MYO16: variants seen among roughly 807,000 people sequenced by gnomAD.
MYO16 encodes the protein unconventional myosin-XVI.
Under a neutral mutation model 205.3 loss-of-function variants are expected in MYO16, and 94 were observed. The observed-to-expected ratio is 0.46, with a 90% CI of 0.39 to 0.54. The LOEUF (loss-of-function observed/expected upper bound fraction) is 0.54, where lower values mean the gene tolerates loss of function less well. Among genes scored for constraint, MYO16 ranks in the 20% least tolerant of loss-of-function variants. The pLI is 0.00. For synonymous variants in MYO16, 988 were observed against 954.0 expected (o/e 1.04, Z -0.66); for missense variants, 2,315 against 2,387.5 (o/e 0.97, Z 0.63).
chr13:108,846,188 C>A (rs1018399850), intron 10 of MYO16, among the ~76,000 whole-genome samples: 1 of 152,174 alleles, frequency 6.6e-6, no homozygotes, highest in African/African-American at 2.4e-5. Context: ...CACCCTCTTA[C>A]TCCTCATACA....
chr13:109,053,097 T>C (rs1305919514), intron 25 of MYO16, among the ~76,000 whole-genome samples: 2 of 152,156 alleles, frequency 1.3e-5, no homozygotes, highest in African/African-American at 4.8e-5. Context: ...TTTAGGTTTC[T>C]TCAGAATCCA....
At chr13:108,804,064 G>A (rs527964823) in intron 6 of MYO16, among the ~76,000 whole-genome samples, 3 of 152,292 alleles carry the variant, frequency 2.0e-5, no homozygotes, top group South Asian at 2.1e-4. Context: ...AGTGCTGGAG[G>A]CTGCAGAGCG....
intron 27 of MYO16, among the ~76,000 whole-genome samples, chr13:109,065,328 C>A (rs961854251): frequency 6.6e-6 from 1 of 152,048 alleles, no homozygotes; most frequent in African/African-American, 2.4e-5. Context: ...TTGAGACAAG[C>A]TACTATCCTT....
At chr13:108,776,677 AT>A (rs1886134256) in intron 4 of MYO16, among the ~76,000 whole-genome samples, 1 of 152,278 alleles carries the variant, frequency 6.6e-6, no homozygotes, top group African/African-American at 2.4e-5. Context: ...CACACTGGCC[AT>A]TTTGCAGGTT....
chr13:108,877,699 T>A (rs1015715318), intron 12 of MYO16, among the ~76,000 whole-genome samples: 1 of 152,248 alleles, frequency 6.6e-6, no homozygotes, highest in Non-Finnish European at 1.5e-5. Flanking sequence ...TATAGTTCCA[T>A]TTTTAAATTG....
chr13:108,916,782 A>T (rs1168179680), intron 16 of MYO16, among the ~76,000 whole-genome samples: 1 of 152,210 alleles, frequency 6.6e-6, no homozygotes, highest in East Asian at 1.9e-4. Flanking sequence ...TTGATGTTAT[A>T]TATAATAAAT....
chr13:108,901,713 G>A (rs1880720038), intron 15 of MYO16, among the ~76,000 whole-genome samples: 1 of 152,108 alleles, frequency 6.6e-6, no homozygotes, highest in Non-Finnish European at 1.5e-5. Flanking sequence ...GTATTTGTTT[G>A]TTTCATAGCT....
At chr13:108,868,231 C>T (rs196165) in intron 12 of MYO16, among the ~76,000 whole-genome samples, 4 of 151,978 alleles carry the variant, frequency 2.6e-5, no homozygotes, top group Admixed American at 6.5e-5. Context: ...CAATTTTCTG[C>T]GTGGTTGTAC....
chr13:109,077,966 T>C (rs941782256), intron 27 of MYO16, among the ~76,000 whole-genome samples: 3 of 152,210 alleles, frequency 2.0e-5, no homozygotes, highest in African/African-American at 7.2e-5. Context: ...TATTTCTTAG[T>C]CTTTTTTCTC....
the MYO16 span, among the ~76,000 whole-genome samples, chr13:108,510,909 T>C: frequency 6.8e-5 from 1 of 14,728 alleles, no homozygotes; most frequent in African/African-American, 3.0e-4. Context: ...GTCTTTGCTA[T>C]TGTGAATAAT....
intron 12 of MYO16, among the ~76,000 whole-genome samples, chr13:108,874,348 G>A (rs989564884): frequency 3.3e-5 from 5 of 151,980 alleles, no homozygotes; most frequent in African/African-American, 4.8e-5. Context: ...AGAGAAATAC[G>A]CCATGCAATT....
chr13:108,612,359 C>T (rs370325076), intron 1 of MYO16, among the ~76,000 whole-genome samples: 3 of 151,974 alleles, frequency 2.0e-5, no homozygotes, highest in African/African-American at 7.2e-5. Context: ...AAAGTTTTAC[C>T]AAAGCTAATC....
At chr13:108,949,232 G>C (rs1429871401) in intron 16 of MYO16, among the ~76,000 whole-genome samples, 1 of 152,072 alleles carries the variant, frequency 6.6e-6, no homozygotes, top group Non-Finnish European at 1.5e-5. Context: ...TTTTAATTTA[G>C]AAACTTAGTC....
chr13:109,194,458 G>A (rs1406315790), intron 34 of MYO16, among the ~76,000 whole-genome samples: 1 of 152,288 alleles, frequency 6.6e-6, no homozygotes, highest in Non-Finnish European at 1.5e-5. Flanking sequence ...TCACACGGTT[G>A]TGAGTGTCGA....
At chr13:109,118,586 A>G (rs954234911) in intron 28 of MYO16, among the ~76,000 whole-genome samples, 1 of 152,172 alleles carries the variant, frequency 6.6e-6, no homozygotes, top group Non-Finnish European at 1.5e-5. Flanking sequence ...TTTGTTTTGG[A>G]ACCCAGGTTT....
At chr13:108,829,090 A>G (rs1381945194) in intron 9 of MYO16, among the ~76,000 whole-genome samples, 3 of 152,306 alleles carry the variant, frequency 2.0e-5, no homozygotes, top group Non-Finnish European at 4.4e-5. Flanking sequence ...GGACCCCCAA[A>G]CTTTTGGCTG....
the MYO16 span, among the ~76,000 whole-genome samples, chr13:108,500,253 T>A: frequency 4.0e-5 from 4 of 99,802 alleles, no homozygotes; most frequent in Non-Finnish European, 7.5e-5. Context: ...TTTTTTTTTT[T>A]GAGACGGAGT....
chr13:108,740,314 G>T (rs1387399005), intron 4 of MYO16, among the ~76,000 whole-genome samples: 1 of 152,134 alleles, frequency 6.6e-6, no homozygotes, highest in Non-Finnish European at 1.5e-5. Context: ...TGGGGTTTTG[G>T]TGTGGATGTG....
chr13:108,504,826 C>G, the MYO16 span, among the ~76,000 whole-genome samples: 1 of 152,166 alleles, frequency 6.6e-6, no homozygotes, highest in Non-Finnish European at 1.5e-5. Flanking sequence ...TGAGCCACCA[C>G]GCCCTGCCAA....
Sources: allele counts gnomAD v4.1 joint callset (sites outside exome capture counted in the v4.1 genomes callset), GRCh38; gene constraint gnomAD v4.1.1; transcripts MANE v1.5; gene names NCBI Gene and HGNC (gene_info 2026-07-23, HGNC 2026-07-21).